The following TSPOAP1 variants were observed in gnomAD, a reference collection of about 807,000 sequenced individuals.
TSPOAP1 encodes TSPO associated protein 1.
In TSPOAP1, 87 loss-of-function variants were observed where a neutral mutation model predicts 197.0. That is an observed-to-expected ratio of 0.44 (90% CI 0.37 to 0.53). TSPOAP1 has a LOEUF of 0.53. Among genes scored for constraint, TSPOAP1 ranks in the 20% least tolerant of loss-of-function variants. The pLI, the probability that TSPOAP1 is intolerant of heterozygous loss-of-function variation, is 0.00. For synonymous variants in TSPOAP1, 913 were observed against 998.9 expected, an observed-to-expected ratio of 0.91 and a Z score of 1.62; for missense variants, 2,174 against 2,411.3, an observed-to-expected ratio of 0.90 and a Z score of 2.06.
In TSPOAP1 at chr17:58,326,696, T is replaced by C; in HGVS notation, c.428A>G (p.Glu143Gly). 6.2e-7 allele frequency: 1 copy of C among 1,614,044 alleles called. No individual in the cohort carries two copies. Among genetic ancestry groups the C allele is most frequent in the South Asian group, 1.1e-5 (1 of 91,086 alleles). The change falls in exon 2 of 32, where the codon GAA (glutamate) becomes GGA (glycine). Residue 143 changes from glutamate (E) to glycine (G), a missense_variant. This residue lies in a region of TSPOAP1 where 1,933 missense variants were observed against 2,139.0 expected (regional missense o/e 0.90). Coordinates refer to ENST00000343736, the MANE Select transcript of TSPOAP1 (RefSeq NM_004758.4). This position sits in a 1 kb window ranked among gnomAD's most constrained non-coding sequence, Gnocchi z 4.7. ...LRQRCAILKEENQMLRKSSFP... is the reference protein window; with the variant it reads ...LRQRCAILKEGNQMLRKSSFP... ...TCCAAGCCTCACCAGCATCTGGTTT[T>C]CCTCCTTAAGGATGGCACAGCGCTG...
At chr17:58,321,495 A>G (rs1971404278) in intron 10 of TSPOAP1, among the ~76,000 whole-genome samples, 1 of 152,000 alleles carries the variant, frequency 6.6e-6, no homozygotes, top group African/African-American at 2.4e-5. Flanking sequence ...ACGGGGATTC[A>G]CCATATTGGC....
At chr17:58,307,544 G>A (rs1970937181) in intron 24 of TSPOAP1, 67 bp downstream of exon 24, 25 of 1,557,508 alleles carry the variant, frequency 1.6e-5, no homozygotes, top group Non-Finnish European at 2.0e-5. Context: ...TCCAGTGGAG[G>A]AAAGGAGGGA....
Position 58,312,313 on chromosome 17 carries a change from C to A in TSPOAP1, c.2508G>T (p.Gly836=), listed in dbSNP as rs367948145. The change falls in exon 17 of 32, where the codon GGG becomes GGT. Residue 836 remains glycine, a synonymous_variant. Coordinates refer to ENST00000343736, the MANE Select transcript of TSPOAP1 (RefSeq NM_004758.4). ...GCACGGCCTTGGGTGGCGCCCCAGG[C>A]CCCAGGGCCTGTCGCAGCTCCCCAT... ...CVNGELRQAL[G]PGAPPKAVLE... 40 of 1,612,874 alleles carry A rather than the reference C, an allele frequency of 2.5e-5. No homozygotes were observed. In the African/African-American group the frequency reaches 5.1e-4, roughly 20 times the overall value.
intron 14 of TSPOAP1, among the ~76,000 whole-genome samples, chr17:58,317,266 C>T (rs1387996677): frequency 3.3e-5 from 5 of 152,134 alleles, no homozygotes; most frequent in Non-Finnish European, 7.4e-5. Context: ...AACTGTAAAT[C>T]GCTGGAAGCA....
intron 18 of TSPOAP1, 59 bp downstream of exon 18, chr17:58,311,512 C>T (rs1971076991): frequency 1.3e-6 from 2 of 1,518,250 alleles, no homozygotes; most frequent in Non-Finnish European, 1.8e-6. Context: ...GCCTAGACCT[C>T]TGAGCATAGC....
Position 58,320,165 on chromosome 17 carries a change from C to A in TSPOAP1, c.1474-36G>T, listed in dbSNP as rs774936203. On this transcript the variant is annotated intron_variant, in intron 11 of 31. Coordinates refer to ENST00000343736, the MANE Select transcript of TSPOAP1 (RefSeq NM_004758.4). ...AAAGGAAGCAGAGAACAGGTTAGAACCCTGAGCGCTGTGGGTTGCTAACCC... is the reference window on the plus strand; with the variant it reads ...AAAGGAAGCAGAGAACAGGTTAGAAACCTGAGCGCTGTGGGTTGCTAACCC... 3.2e-5 allele frequency: 51 copies of A among 1,613,878 alleles called. No homozygotes were observed. In the African/African-American group the frequency reaches 6.0e-4, roughly 19 times the overall value.
intron 22 of TSPOAP1, 105 bp from the exon 23 acceptor site, chr17:58,308,046 G>T (rs1970958440): frequency 8.6e-7 from 1 of 1,158,730 alleles, no homozygotes; most frequent in Admixed American, 2.3e-5. Flanking sequence ...AGCAGCGCAG[G>T]AGCACAGCAT....
chr17:58,314,650 G>A (rs957050276), intron 16 of TSPOAP1, among the ~76,000 whole-genome samples: 2 of 152,270 alleles, frequency 1.3e-5, no homozygotes, highest in Non-Finnish European at 2.9e-5. Flanking sequence ...GCCTCCAGAA[G>A]AGGCCAGTGA....
Position 58,311,944 on chromosome 17 carries a change from C to A in TSPOAP1, c.2877G>T (p.Trp959Cys), listed in dbSNP as rs1374822462. ...TGGCAGCCCGCTGCTCCAGCCTCTC[C>A]CAGCCTGGTTCCCAGGGCCCTTGGG... Reference protein sequence around the residue: ...LPPQGPWEPGWERLEQRAATL... With the variant: ...LPPQGPWEPGCERLEQRAATL... The change falls in exon 17 of 32, where the codon TGG (tryptophan) becomes TGT (cysteine). Residue 959 changes from tryptophan (W) to cysteine (C), a missense_variant. Physicochemically the swap from Trp to Cys is radical, Grantham distance 215. This residue lies in a region of TSPOAP1 where 1,933 missense variants were observed against 2,139.0 expected (regional missense o/e 0.90). Coordinates refer to ENST00000343736, the MANE Select transcript of TSPOAP1 (RefSeq NM_004758.4). 6.3e-7 allele frequency: 1 copy of A among 1,592,410 alleles called. No individual in the cohort carries two copies. Among genetic ancestry groups the A allele is most frequent in the East Asian group, 2.2e-5 (1 of 44,740 alleles).
Position 58,302,371 on chromosome 17 carries a change from C to A in TSPOAP1, c.*109G>T, listed in dbSNP as rs1187629134. ...GCCCTGGGGCTCCCCACGTTCAATCCTGGGGGCGCTGCCAGAGCTGGGGGT... is the reference window on the plus strand; with the variant it reads ...GCCCTGGGGCTCCCCACGTTCAATCATGGGGGCGCTGCCAGAGCTGGGGGT... On this transcript the variant is annotated 3_prime_UTR_variant, in exon 32 of 32. Coordinates refer to ENST00000343736, the MANE Select transcript of TSPOAP1 (RefSeq NM_004758.4). 2 of 1,288,696 alleles carry A rather than the reference C, an allele frequency of 1.6e-6. No homozygotes were observed. The highest frequency in any genetic ancestry group is 2.0e-6 in the Non-Finnish European group (2 of 988,518). The allele number at this position is 1,288,696 out of a possible 1,614,324, so 79.8% of individuals were successfully genotyped here.
At position 58,312,471 on chromosome 17, in the gene TSPOAP1, C is replaced by T. The variant is rs758466330; in HGVS notation, c.2350G>A (p.Gly784Ser). ...GGCACGGCAGGAGGCTCGCCCAGGCCCTCCGGTGATGGGCTCAGACTGAGC... is the reference window on the plus strand; with the variant it reads ...GGCACGGCAGGAGGCTCGCCCAGGCTCTCCGGTGATGGGCTCAGACTGAGC... ...DELSLSPSPE[G>S]LGEPPAVPYP... Residue 784 changes from glycine to serine, a missense_variant, in exon 17 of 32, where the codon GGC (glycine) becomes AGC (serine). Around this residue, in one of 5 missense-constraint regions of TSPOAP1, gnomAD observed 1,933 missense variants for 2,139.0 expected, o/e 0.90. Transcript: ENST00000343736. 2.5e-6 allele frequency: 4 copies of T among 1,610,450 alleles called. No individual in the cohort carries two copies. In the Admixed American group the frequency reaches 6.7e-5, roughly 27 times the overall value.
chr17:58,312,340 C>T lies in TSPOAP1; in HGVS notation c.2481G>A (p.Val827=). The T allele has an allele frequency of 6.2e-7, 1 of 1,612,508 alleles. No homozygotes were observed. The highest frequency in any genetic ancestry group is 8.5e-7 in the Non-Finnish European group (1 of 1,179,542). ...CCAGGGCCTGTCGCAGCTCCCCATTCACACAGATATGGAAGCCGTGTAGCT... is the reference window on the plus strand; with the variant it reads ...CCAGGGCCTGTCGCAGCTCCCCATTTACACAGATATGGAAGCCGTGTAGCT... ...QVELHGFHIC[V]NGELRQALGP... is the part of the protein sequence containing the mutation. Residue 827 remains valine (V), a synonymous_variant, in exon 17 of 32, where the codon GTG becomes GTA. Transcript: ENST00000343736.
intron 18 of TSPOAP1, 74 bp from the exon 19 acceptor site, chr17:58,311,287 T>C (rs1971071140): frequency 1.3e-6 from 2 of 1,566,114 alleles, no homozygotes; most frequent in Admixed American, 1.9e-5. Flanking sequence ...CTGACAGCAG[T>C]GGCAGCTAAC....
chr17:58,322,940 G>T lies in TSPOAP1; in HGVS notation c.1194+10C>A, dbSNP rs1344240207. On this transcript the variant is annotated intron_variant, in intron 8 of 31. Transcript: ENST00000343736. This position sits in a 1 kb window ranked among gnomAD's most constrained non-coding sequence, Gnocchi z 5.0. ...CACAGGTCTCCACAGCACCTGGGCG[G>T]AAGTGGTACCTGCTCCTTCTCTGTG... 1.2e-6 allele frequency: 2 copies of T among 1,608,554 alleles called. No individual in the cohort carries two copies. The highest frequency in any genetic ancestry group is 2.7e-5 in the African/African-American group (2 of 74,834).
In TSPOAP1 at chr17:58,304,456, G is replaced by T. The variant is rs372039207; in HGVS notation, c.5545-57C>A. The T allele has an allele frequency of 6.7e-7, 1 of 1,484,540 alleles. No homozygotes were observed. Among genetic ancestry groups the T allele is most frequent in the Admixed American group, 1.7e-5 (1 of 59,830 alleles). 92.0% of individuals were successfully genotyped at this position (1,484,540 alleles called of 1,614,324 possible). ...TTACCGACAGACCCGCACCTTCTCC[G>T]CCCGGCCACCAGGTGGCCCTGCGCA... is the stretch of plus-strand genomic sequence containing the variant. On this transcript the variant is annotated intron_variant, in intron 30 of 31. Coordinates refer to ENST00000343736, the MANE Select transcript of TSPOAP1 (RefSeq NM_004758.4). This position sits in a 1 kb window ranked among gnomAD's most constrained non-coding sequence, Gnocchi z 4.2.
chr17:58,324,767 C>T lies in TSPOAP1; in HGVS notation c.942+44G>A. 1 of 1,338,214 alleles carries T rather than the reference C, an allele frequency of 7.5e-7. No individual in the cohort carries two copies. The highest frequency in any genetic ancestry group is 9.6e-7 in the Non-Finnish European group (1 of 1,037,520). The allele number at this position is 1,338,214 out of a possible 1,614,324, so 82.9% of individuals were successfully genotyped here. ...AGATCCCGGTGGTCGTTCCCCCCAC[C>T]CATCTGCACGCACCCACACACCTGC... On this transcript the variant is annotated intron_variant, in intron 5 of 31. Coordinates refer to ENST00000343736, the MANE Select transcript of TSPOAP1 (RefSeq NM_004758.4). The surrounding 1 kb of genome is among the most constrained non-coding windows in gnomAD (Gnocchi z 5.8).
In TSPOAP1 at chr17:58,311,558, G is replaced by A. The variant is rs1971078481; in HGVS notation, c.3081+13C>T. On this transcript the variant is annotated intron_variant, in intron 18 of 31. Transcript: ENST00000343736. Reference sequence around the variant, plus strand: ...CCACCCCCACTCCCAGGGTACAGTGGGCAGGGCTATACCTTCTGCCCATCA... The same window carrying A: ...CCACCCCCACTCCCAGGGTACAGTGAGCAGGGCTATACCTTCTGCCCATCA... 1.3e-6 allele frequency: 2 copies of A among 1,552,324 alleles called. No individual in the cohort carries two copies.
intron 3 of TSPOAP1, 72 bp from the exon 4 acceptor site, chr17:58,325,785 C>A: frequency 1.4e-6 from 2 of 1,470,102 alleles, no homozygotes; most frequent in East Asian, 2.3e-5. Context: ...CATCTCCTCC[C>A]AAAGGAGGAG....
At chr17:58,317,629 G>A (rs1274818244) in intron 14 of TSPOAP1, among the ~76,000 whole-genome samples, 1 of 152,206 alleles carries the variant, frequency 6.6e-6, no homozygotes, top group African/African-American at 2.4e-5. Context: ...TCTCAGAGCT[G>A]CTTCTGACCT....
Sources: gnomAD v4.1 joint callset for allele counts (sites outside exome capture counted in the v4.1 genomes callset) on GRCh38, gnomAD v4.1.1 for gene constraint, gnomAD v4.1.1 regional missense constraint, Gnocchi (gnomAD v3.1) non-coding constraint, MANE v1.5 for transcripts, NCBI Gene and HGNC (gene_info 2026-07-23, HGNC 2026-07-21) for gene names.